Variants in AKAP6 observed in about 807,000 individuals in gnomAD.
AKAP6 encodes A-kinase anchoring protein 6, also known as A-kinase anchor protein 6.
A neutral mutation model predicts 188.5 loss-of-function variants in AKAP6; 58 were observed. The observed-to-expected ratio is 0.31, with a 90% CI of 0.25 to 0.38. The LOEUF (loss-of-function observed/expected upper bound fraction) is 0.38, where lower values mean the gene tolerates loss of function less well. Among genes scored for constraint, AKAP6 ranks in the 10% least tolerant of loss-of-function variants. The pLI, the probability that AKAP6 is intolerant of heterozygous loss-of-function variation, is 1.00. For missense variants in AKAP6, 2,710 were observed against 2,740.0 expected (o/e 0.99, Z 0.24); for synonymous variants, 989 against 998.6 (o/e 0.99, Z 0.18).
At chr14:32,404,369 G>A (rs1308027763) in intron 1 of AKAP6, among the ~76,000 whole-genome samples, 1 of 151,872 alleles carries the variant, frequency 6.6e-6, no homozygotes. Flanking sequence ...AGTGATTTTT[G>A]TTGGGGGAGT....
At chr14:32,527,079 G>C (rs760571260) in intron 2 of AKAP6, among the ~76,000 whole-genome samples, 55 of 152,278 alleles carry the variant, frequency 3.6e-4, no homozygotes, top group Middle Eastern at 6.8e-3. Context: ...ATATAGAACA[G>C]TTTCACTGCC....
At position 32,834,177 on chromosome 14, in the gene AKAP6, A is replaced by T. The variant is rs1405520186; in HGVS notation, c.*4372A>T. ...GGAGGCCAAGGCGTGTGGATCACCT[A>T]AGGTCAGGAGTTCGAGATCAGCCTG... On this transcript the variant is annotated 3_prime_UTR_variant, in exon 14 of 14. Coordinates refer to ENST00000280979, the MANE Select transcript of AKAP6 (RefSeq NM_004274.5). 6.6e-6 allele frequency: 1 copy of T among 152,130 alleles called. No homozygotes were observed. Among genetic ancestry groups the T allele is most frequent in the Non-Finnish European group, 1.5e-5 (1 of 68,056 alleles). The allele number at this position is 152,130 out of a possible 1,614,324, so 9.4% of individuals were successfully genotyped here. A position where few individuals can be genotyped will look rare whatever the true frequency, so the allele number is the denominator to read the frequency against.
chr14:32,696,162 T>C (rs746252641), intron 9 of AKAP6, 52 bp downstream of exon 9: 1 of 1,557,420 alleles, frequency 6.4e-7, no homozygotes, highest in Admixed American at 2.2e-5. Flanking sequence ...CTGATTAGCC[T>C]GACAAGTCTC....
chr14:32,744,273 C>A (rs966232282), intron 11 of AKAP6, among the ~76,000 whole-genome samples: 2 of 151,320 alleles, frequency 1.3e-5, no homozygotes, highest in African/African-American at 4.9e-5. Flanking sequence ...TGGGTTAAAT[C>A]TGCTTGGTGT....
At chr14:32,510,747 C>A (rs1425413270) in intron 2 of AKAP6, among the ~76,000 whole-genome samples, 1 of 152,032 alleles carries the variant, frequency 6.6e-6, no homozygotes, top group Non-Finnish European at 1.5e-5. Context: ...TTCAAGATGG[C>A]CTCTTGGCCC....
intron 7 of AKAP6, among the ~76,000 whole-genome samples, chr14:32,661,743 C>T (rs1223917159): frequency 6.6e-6 from 1 of 152,032 alleles, no homozygotes; most frequent in Non-Finnish European, 1.5e-5. Context: ...GAGTTGGAGC[C>T]AGAAACCCCT....
chr14:32,608,171 T>C (rs974215094), intron 7 of AKAP6, among the ~76,000 whole-genome samples: 6 of 152,114 alleles, frequency 3.9e-5, no homozygotes, highest in Non-Finnish European at 7.4e-5. Context: ...AAATATACAC[T>C]AGGTCAAAGG....
chr14:32,582,638 G>C (rs997952193), intron 5 of AKAP6, among the ~76,000 whole-genome samples: 2 of 152,208 alleles, frequency 1.3e-5, no homozygotes, highest in African/African-American at 4.8e-5. Flanking sequence ...ATCAGACGTA[G>C]ATTTGGTCTT....
In AKAP6 at chr14:32,798,566, T is replaced by C. The variant is rs1052499775; in HGVS notation, c.3589-22836T>C. On this transcript the variant is annotated intron_variant, in intron 12 of 13. Coordinates refer to ENST00000280979, the MANE Select transcript of AKAP6 (RefSeq NM_004274.5). ...CATAAAAAAGAATGAGATATGTCTTTTGCAGCAATGTGAATGGAACTGGAG... is the reference window on the plus strand; with the variant it reads ...CATAAAAAAGAATGAGATATGTCTTCTGCAGCAATGTGAATGGAACTGGAG... Among the ~76,000 whole-genome samples the C allele has an allele frequency of 3.3e-5, 5 of 152,184 alleles. No individual in the cohort carries two copies. The South Asian group carries it at 1.0e-3, about 31-fold the overall frequency.
chr14:32,831,131 AT>A lies in AKAP6; in HGVS notation c.*1330del, dbSNP rs1358131313. On this transcript the variant is annotated 3_prime_UTR_variant, in exon 14 of 14. Transcript: ENST00000280979. Reference sequence around the variant, plus strand: ...ATGTCTTAATTTATTTTAAATATTTATTTTGAATGAGTTTGATAGAAAGCTA... The same window carrying A: ...ATGTCTTAATTTATTTTAAATATTTATTTGAATGAGTTTGATAGAAAGCTA... 1 of 152,160 alleles carries A rather than the reference AT, an allele frequency of 6.6e-6. No individual in the cohort carries two copies. The highest frequency in any genetic ancestry group is 2.4e-5 in the African/African-American group (1 of 41,454). 9.4% of individuals were successfully genotyped at this position (152,160 alleles called of 1,614,324 possible).
chr14:32,344,621 T>C (rs1887004833), intron 1 of AKAP6, among the ~76,000 whole-genome samples: 2 of 152,010 alleles, frequency 1.3e-5, no homozygotes, highest in Non-Finnish European at 2.9e-5. Context: ...TATAAGAGTA[T>C]ATACATAAGG....
chr14:32,627,601 A>G (rs1325944026), intron 7 of AKAP6, among the ~76,000 whole-genome samples: 3 of 152,136 alleles, frequency 2.0e-5, no homozygotes, highest in Non-Finnish European at 4.4e-5. Context: ...TAGCAAAACA[A>G]TGGGTTAGTG....
chr14:32,576,414 A>T (rs12587405), intron 4 of AKAP6, among the ~76,000 whole-genome samples: 23,491 of 152,098 alleles, frequency 0.15, 1,988 homozygotes, highest in Admixed American at 0.23. Flanking sequence ...TGGCCAATAA[A>T]ATTTTATAAC....
intron 4 of AKAP6, among the ~76,000 whole-genome samples, chr14:32,550,840 C>T (rs1347131469): frequency 6.6e-6 from 1 of 152,206 alleles, no homozygotes; most frequent in Non-Finnish European, 1.5e-5. Context: ...CTCTCCTGTT[C>T]CATTCTGGTT....
intron 8 of AKAP6, among the ~76,000 whole-genome samples, chr14:32,694,839 A>C (rs779294526): frequency 2.0e-5 from 3 of 152,186 alleles, no homozygotes; most frequent in Non-Finnish European, 4.4e-5. Flanking sequence ...TAATGTACAG[A>C]GACAAGAACA....
chr14:32,808,150 T>C (rs1347871288), intron 12 of AKAP6, among the ~76,000 whole-genome samples: 1 of 152,226 alleles, frequency 6.6e-6, no homozygotes, highest in African/African-American at 2.4e-5. Context: ...TCCCCAATAA[T>C]TAGAAAAGGA....
intron 4 of AKAP6, among the ~76,000 whole-genome samples, chr14:32,554,559 A>G (rs980081108): frequency 6.6e-6 from 1 of 152,218 alleles, no homozygotes; most frequent in South Asian, 2.1e-4. Context: ...TCCATGAGAT[A>G]TAGTCAAATG....
intron 12 of AKAP6, among the ~76,000 whole-genome samples, chr14:32,798,681 A>G (rs2033848229): frequency 6.6e-6 from 1 of 152,162 alleles, no homozygotes. Flanking sequence ...TTGAGTACAC[A>G]TGGACACAAA....
At chr14:32,747,330 C>T (rs1305623986) in intron 11 of AKAP6, among the ~76,000 whole-genome samples, 1 of 152,142 alleles carries the variant, frequency 6.6e-6, no homozygotes. Flanking sequence ...AACTTGGAGC[C>T]ATTACAAACT....
Sources: allele counts gnomAD v4.1 joint callset (sites outside exome capture counted in the v4.1 genomes callset), GRCh38; gene constraint gnomAD v4.1.1; transcripts MANE v1.5; gene names NCBI Gene and HGNC (gene_info 2026-07-23, HGNC 2026-07-21).